BMPR1B: variants seen among roughly 807,000 people sequenced by gnomAD.
The protein encoded by BMPR1B is bone morphogenetic protein receptor type 1B.
Under a neutral mutation model 59.1 loss-of-function variants are expected in BMPR1B, and 12 were observed. The ratio of observed to expected loss-of-function variants is 0.20; its 90% CI spans 0.13 to 0.33. BMPR1B has a LOEUF of 0.33. Ranked by LOEUF, BMPR1B falls within the 10% of genes least tolerant of loss-of-function variation. BMPR1B has a pLI of 1.00. For synonymous variants in BMPR1B, 237 were observed against 207.3 expected (o/e 1.14, Z -1.23); for missense variants, 550 against 610.9 (o/e 0.90, Z 1.05).
intron 1 of BMPR1B, among the ~76,000 whole-genome samples, chr4:94,870,844 A>G (rs1726458714): frequency 6.6e-6 from 1 of 152,154 alleles, no homozygotes; most frequent in South Asian, 2.1e-4. Flanking sequence ...GGAGTTTCCC[A>G]CATTAACGTT....
intron 1 of BMPR1B, among the ~76,000 whole-genome samples, chr4:94,785,803 A>C (rs964076661): frequency 5.9e-5 from 9 of 152,310 alleles, no homozygotes; most frequent in South Asian, 2.1e-4. Context: ...TGATAGAGAA[A>C]TAGTAGGATG....
Position 94,954,226 on chromosome 4 carries a change from T to C in BMPR1B, c.-112-41814T>C, listed in dbSNP as rs183954640. On this transcript the variant is annotated intron_variant, in intron 2 of 12. Transcript: ENST00000515059. Reference sequence around the variant, plus strand: ...ACCAAACCAGAGACTGGTTTATTCCTTGGAGCCCAGAACAGTTCTCGCTCA... The same window carrying C: ...ACCAAACCAGAGACTGGTTTATTCCCTGGAGCCCAGAACAGTTCTCGCTCA... Among the ~76,000 whole-genome samples the C allele has an allele frequency of 2.4e-3, 359 of 152,310 alleles. 2 individuals are homozygous for C. The highest frequency in any genetic ancestry group is 2.5e-3 in the Admixed American group (38 of 15,298).
chr4:95,042,740 T>G (rs1410801841), intron 3 of BMPR1B, among the ~76,000 whole-genome samples: 1 of 152,182 alleles, frequency 6.6e-6, no homozygotes, highest in Non-Finnish European at 1.5e-5. Flanking sequence ...CTATGTTCTA[T>G]CTGGAAATAA....
chr4:94,831,666 G>A (rs1724595091), intron 1 of BMPR1B, among the ~76,000 whole-genome samples: 1 of 152,094 alleles, frequency 6.6e-6, no homozygotes, highest in Non-Finnish European at 1.5e-5. Context: ...ATACCATTAT[G>A]TTATAGTTGC....
intron 3 of BMPR1B, among the ~76,000 whole-genome samples, chr4:95,102,596 A>G (rs144080092): frequency 4.3e-4 from 65 of 152,276 alleles, no homozygotes; most frequent in African/African-American, 1.4e-3. Context: ...GTTTAGAAAG[A>G]AGGAGCTTAC....
At chr4:94,933,832 G>A (rs992428258) in intron 2 of BMPR1B, among the ~76,000 whole-genome samples, 2 of 151,964 alleles carry the variant, frequency 1.3e-5, no homozygotes, top group South Asian at 4.1e-4. Context: ...CACACTTCTG[G>A]GTCAGTGATG....
At chr4:95,054,196 G>A (rs546854785) in intron 3 of BMPR1B, among the ~76,000 whole-genome samples, 17 of 152,222 alleles carry the variant, frequency 1.1e-4, no homozygotes, top group Non-Finnish European at 1.5e-5. Flanking sequence ...AGGAATATGT[G>A]TAATATTGCA....
chr4:95,072,394 T>G (rs1728374090), intron 3 of BMPR1B, among the ~76,000 whole-genome samples: 1 of 152,162 alleles, frequency 6.6e-6, no homozygotes, highest in Admixed American at 6.6e-5. Context: ...ACCATCACAA[T>G]AACCAATTTT....
chr4:94,996,385 G>C (rs540560806), intron 3 of BMPR1B: 1 of 152,332 alleles, frequency 6.6e-6, no homozygotes, highest in South Asian at 2.1e-4. Context: ...TGTCCTATCA[G>C]TAAGTTTCTG....
At chr4:94,988,864 T>C (rs542620043) in intron 2 of BMPR1B, among the ~76,000 whole-genome samples, 1 of 151,810 alleles carries the variant, frequency 6.6e-6, no homozygotes, top group Non-Finnish European at 1.5e-5. Flanking sequence ...CCCTTTTTTT[T>C]GGGAAAAGAA....
At chr4:94,790,698 A>G (rs901569152) in intron 1 of BMPR1B, among the ~76,000 whole-genome samples, 4 of 152,166 alleles carry the variant, frequency 2.6e-5, no homozygotes, top group African/African-American at 9.7e-5. Flanking sequence ...TTGAGAAAGA[A>G]TTTCTCTTTT....
intron 3 of BMPR1B, among the ~76,000 whole-genome samples, chr4:95,068,793 A>G (rs936993854): frequency 1.3e-5 from 2 of 152,158 alleles, no homozygotes; most frequent in Non-Finnish European, 2.9e-5. Context: ...TCATTCCCAA[A>G]TAAACTCACT....
At chr4:95,086,266 A>C (rs758672701) in intron 3 of BMPR1B, among the ~76,000 whole-genome samples, 1 of 152,138 alleles carries the variant, frequency 6.6e-6, no homozygotes, top group African/African-American at 2.4e-5. Context: ...GTTTGTGTTT[A>C]ATAGAGGTTT....
At chr4:94,823,388 C>T (rs1049352248) in intron 1 of BMPR1B, among the ~76,000 whole-genome samples, 4 of 152,116 alleles carry the variant, frequency 2.6e-5, no homozygotes, top group African/African-American at 9.7e-5. Context: ...TGGGCTGCCA[C>T]ATTTCTGTGG....
In BMPR1B at chr4:94,769,773, A is replaced by G. The variant is rs1476042663; in HGVS notation, c.-183+11705A>G. 2.0e-5 allele frequency among the ~76,000 whole-genome samples: 3 copies of G among 152,336 alleles called. No homozygotes were observed. In the South Asian group the frequency reaches 6.2e-4, roughly 32 times the overall value. ...TCTTTAGGTGATGCCATCAGGGAAT[A>G]TCTTAGGGAAGACTAGAATTGGTGT... On this transcript the variant is annotated intron_variant, in intron 1 of 12. Transcript: ENST00000515059.
chr4:94,793,954 C>T (rs1427414403), intron 1 of BMPR1B, among the ~76,000 whole-genome samples: 1 of 148,854 alleles, frequency 6.7e-6, no homozygotes, highest in African/African-American at 2.5e-5. Flanking sequence ...AAAATTTTCT[C>T]CCATTTTGTA....
intron 2 of BMPR1B, among the ~76,000 whole-genome samples, chr4:94,976,272 G>A (rs1282080180): frequency 2.0e-5 from 3 of 152,220 alleles, no homozygotes; most frequent in Admixed American, 6.5e-5. Context: ...AGTGAGCAAG[G>A]TGAGAGCTGC....
chr4:94,778,712 A>G (rs1348137975), intron 1 of BMPR1B, among the ~76,000 whole-genome samples: 1 of 152,172 alleles, frequency 6.6e-6, no homozygotes, highest in Non-Finnish European at 1.5e-5. Flanking sequence ...AATACTTGCT[A>G]ATATCCAGGT....
chr4:94,832,563 C>T (rs1385596149), intron 1 of BMPR1B, among the ~76,000 whole-genome samples: 1 of 152,118 alleles, frequency 6.6e-6, no homozygotes, highest in Non-Finnish European at 1.5e-5. Context: ...GGGCGGATCA[C>T]TTGAGGTCAG....
Sources: allele counts gnomAD v4.1 joint callset (sites outside exome capture counted in the v4.1 genomes callset), GRCh38; gene constraint gnomAD v4.1.1; transcripts MANE v1.5; gene names NCBI Gene and HGNC (gene_info 2026-07-23, HGNC 2026-07-21).